Variants in ZBTB7A observed in about 807,000 individuals in gnomAD.
The protein encoded by ZBTB7A is zinc finger and BTB domain-containing protein 7A.
ZBTB7A carries 7 observed loss-of-function variants against 26.7 expected under a neutral mutation model. The observed-to-expected ratio is 0.26, with a 90% CI of 0.15 to 0.49. The LOEUF is 0.49. Ranked by LOEUF, ZBTB7A falls within the 20% of genes least tolerant of loss-of-function variation. The pLI is 0.98. For missense variants in ZBTB7A, 617 were observed against 919.5 expected (o/e 0.67, Z 4.25); for synonymous variants, 452 against 441.0 (o/e 1.02, Z -0.31).
Position 4,047,635 on chromosome 19 carries a change from A to T in ZBTB7A, c.*117T>A. On this transcript the variant is annotated 3_prime_UTR_variant, in exon 3 of 3. Transcript: ENST00000322357. ...TATCTGTATATATATATATAGATAT[A>T]GATATCTGTATATAGATAGATTTTC... The T allele has an allele frequency of 1.1e-6, 1 of 927,898 alleles. No homozygotes were observed. Among genetic ancestry groups the T allele is most frequent in the Non-Finnish European group, 1.6e-6 (1 of 644,800 alleles). The allele number at this position is 927,898 out of a possible 1,614,324, so 57.5% of individuals were successfully genotyped here.
chr19:4,055,245 G>C lies in ZBTB7A; in HGVS notation c.-13C>G. ...CGCCGCCGGCCATCTTCCGCGCCGA[G>C]ACCTGCAGCAGTGGGGAAGGAGAGG... is the stretch of plus-strand genomic sequence containing the variant. On this transcript the variant is annotated splice_region_variant and 5_prime_UTR_variant, in exon 2 of 3. Transcript: ENST00000322357. The C allele has an allele frequency of 6.8e-7, 1 of 1,475,902 alleles. No individual in the cohort carries two copies. 91.4% of individuals were successfully genotyped at this position (1,475,902 alleles called of 1,614,324 possible).
At chr19:4,066,447 C>T (rs1229871652) in intron 1 of ZBTB7A, among the ~76,000 whole-genome samples, 1 of 151,256 alleles carries the variant, frequency 6.6e-6, no homozygotes, top group Non-Finnish European at 1.5e-5. Flanking sequence ...GGCGCACAAG[C>T]TCATGCACTT....
chr19:4,049,208 ATGT>A (rs146940477), intron 2 of ZBTB7A, among the ~76,000 whole-genome samples: 1,326 of 30,834 alleles, frequency 0.043, 222 homozygotes, highest in East Asian at 0.25. Flanking sequence ...ATATATATAT[ATGT>A]AAGTTTGAGA....
In ZBTB7A at chr19:4,046,432, CTTTTT is replaced by C. The variant is rs10535792; in HGVS notation, c.*1315_*1319del. The C allele has an allele frequency of 2.5e-4, 29 of 118,118 alleles. No individual in the cohort carries two copies. The highest frequency in any genetic ancestry group is 9.7e-4 in the Admixed American group (11 of 11,384). The allele number at this position is 118,118 out of a possible 1,614,324, so 7.3% of individuals were successfully genotyped here. ...TCTCTCTCGCTCTCTCTCTCGCTCG[CTTTTT>C]TTTTTTTTTTTTGTCTTTTCAACTT... On this transcript the variant is annotated 3_prime_UTR_variant, in exon 3 of 3. Transcript: ENST00000322357.
At chr19:4,053,265 C>T (rs2040523087) in intron 2 of ZBTB7A, among the ~76,000 whole-genome samples, 1 of 152,214 alleles carries the variant, frequency 6.6e-6, no homozygotes, top group Non-Finnish European at 1.5e-5. Flanking sequence ...ACCGGGATGT[C>T]CACCCACAAG....
In ZBTB7A at chr19:4,054,324, G is replaced by A. The variant is rs2144990755; in HGVS notation, c.909C>T (p.Gly303=). ...SPGFLSGAAE[G]EDGDGPDVDG... is the part of the protein sequence containing the mutation. ...CCACGTCGGGCCCGTCCCCGTCCTCGCCCTCGGCCGCTCCCGACAGGAAGC... is the reference window on the plus strand; with the variant it reads ...CCACGTCGGGCCCGTCCCCGTCCTCACCCTCGGCCGCTCCCGACAGGAAGC... Residue 303 remains glycine, a synonymous_variant, in exon 2 of 3, where the codon GGC becomes GGT. Transcript: ENST00000322357. 2 of 1,515,256 alleles carry A rather than the reference G, an allele frequency of 1.3e-6. No individual in the cohort carries two copies. The highest frequency in any genetic ancestry group is 2.4e-5 in the South Asian group (2 of 82,488). The allele number at this position is 1,515,256 out of a possible 1,614,324, so 93.9% of individuals were successfully genotyped here. A position where few individuals can be genotyped will look rare whatever the true frequency, so the allele number is the denominator to read the frequency against.
In ZBTB7A at chr19:4,053,695, GTC is replaced by G. The variant is rs770600586; in HGVS notation, c.1262+274_1262+275del. ...ATGTGGTGTGCGTGTGCGTGTGTGC[GTC>G]TGTGTGTGTGCATGTGTACGTGGCA... is the stretch of plus-strand genomic sequence containing the variant. On this transcript the variant is annotated intron_variant, in intron 2 of 2. Transcript: ENST00000322357. 4.6e-5 allele frequency among the ~76,000 whole-genome samples: 7 copies of G among 151,674 alleles called. No homozygotes were observed. The East Asian group carries it at 1.4e-3, about 29-fold the overall frequency.
Position 4,045,950 on chromosome 19 carries a change from T to C in ZBTB7A, c.*1802A>G. 2.5e-6 allele frequency: 1 copy of C among 398,504 alleles called. No individual in the cohort carries two copies. The highest frequency in any genetic ancestry group is 1.3e-4 in the South Asian group (1 of 7,844). The allele number at this position is 398,504 out of a possible 1,614,324, so 24.7% of individuals were successfully genotyped here. On this transcript the variant is annotated 3_prime_UTR_variant, in exon 3 of 3. Coordinates refer to ENST00000322357, the MANE Select transcript of ZBTB7A (RefSeq NM_015898.4). This position sits in a 1 kb window ranked among gnomAD's most constrained non-coding sequence, Gnocchi z 4.1. ...TAAGGCCCTGGAGGTGGGGGGCCCC[T>C]GTCACCCACCTCAGCAGGGTAGGCG...
At position 4,046,432 on chromosome 19, in the gene ZBTB7A, C is replaced by CTTTTTTTTT. The variant is rs10535792; in HGVS notation, c.*1311_*1319dup. On this transcript the variant is annotated 3_prime_UTR_variant, in exon 3 of 3. Coordinates refer to ENST00000322357, the MANE Select transcript of ZBTB7A (RefSeq NM_015898.4). ...TCTCTCTCGCTCTCTCTCTCGCTCG[C>CTTTTTTTTT]TTTTTTTTTTTTTTTTTGTCTTTTC... is the stretch of plus-strand genomic sequence containing the variant. The CTTTTTTTTT allele has an allele frequency of 1.7e-5, 2 of 118,110 alleles. No individual in the cohort carries two copies. The highest frequency in any genetic ancestry group is 6.5e-5 in the African/African-American group (2 of 30,684). The allele number at this position is 118,110 out of a possible 1,614,324, so 7.3% of individuals were successfully genotyped here. A position where few individuals can be genotyped will look rare whatever the true frequency, so the allele number is the denominator to read the frequency against.
chr19:4,065,747 C>T (rs1373378770), intron 1 of ZBTB7A: 1 of 140,674 alleles, frequency 7.1e-6, no homozygotes, highest in East Asian at 2.1e-4. Flanking sequence ...GACCCCCCCC[C>T]CACGGGCGGG....
chr19:4,052,513 G>A lies in ZBTB7A; in HGVS notation c.1262+1458C>T, dbSNP rs1188157443. 6.6e-6 allele frequency among the ~76,000 whole-genome samples: 1 copy of A among 152,186 alleles called. No homozygotes were observed. The highest frequency in any genetic ancestry group is 2.4e-5 in the African/African-American group (1 of 41,450). The stretch of plus-strand genomic sequence containing the variant: ...CTGCTGGGGAGGGGGCCGGGGTGCT[G>A]GGGAGGGGTCAGTCCCAGTTCCTGT... On this transcript the variant is annotated intron_variant, in intron 2 of 2. Coordinates refer to ENST00000322357, the MANE Select transcript of ZBTB7A (RefSeq NM_015898.4). This position sits in a 1 kb window ranked among gnomAD's most constrained non-coding sequence, Gnocchi z 4.9.
rs1463409364 is a variant in ZBTB7A at position 4,043,710 on chromosome 19, C to A, written c.*4042G>T. 1.9e-5 allele frequency among the ~76,000 whole-genome samples: 1 copy of A among 53,870 alleles called. No homozygotes were observed. The highest frequency in any genetic ancestry group is 9.3e-3 in the Middle Eastern group (1 of 108). 35.3% of individuals were successfully genotyped at this position (53,870 alleles called of 152,430 possible). A position where few individuals can be genotyped will look rare whatever the true frequency, so the allele number is the denominator to read the frequency against. Reference sequence around the variant, plus strand: ...GGGGTCTCCCTGGCCCCCTCCACCCCCTGGGCCCGGCCCCCCCCCCCCCCC... The same window carrying A: ...GGGGTCTCCCTGGCCCCCTCCACCCACTGGGCCCGGCCCCCCCCCCCCCCC... On this transcript the variant is annotated 3_prime_UTR_variant, in exon 3 of 3. Coordinates refer to ENST00000322357, the MANE Select transcript of ZBTB7A (RefSeq NM_015898.4).
chr19:4,061,667 G>A (rs113515532), intron 1 of ZBTB7A: 7 of 152,358 alleles, frequency 4.6e-5, no homozygotes, highest in African/African-American at 1.7e-4. Flanking sequence ...TTCCTGCCTG[G>A]GCCTTAAAGG....
In ZBTB7A at chr19:4,044,995, C is replaced by T. The variant is rs2040396776; in HGVS notation, c.*2757G>A. ...GGGCTGGGCTGGGGGGGTCCCGGCT[C>T]TGGGCCCATGCAGAGGCTGTGGCCC... On this transcript the variant is annotated 3_prime_UTR_variant, in exon 3 of 3. Transcript: ENST00000322357. The T allele has an allele frequency of 6.6e-6, 1 of 152,230 alleles. No individual in the cohort carries two copies. Among genetic ancestry groups the T allele is most frequent in the Non-Finnish European group, 1.5e-5 (1 of 68,084 alleles). 9.4% of individuals were successfully genotyped at this position (152,230 alleles called of 1,614,324 possible).
chr19:4,058,636 G>A (rs1183694388), intron 1 of ZBTB7A, among the ~76,000 whole-genome samples: 2 of 152,204 alleles, frequency 1.3e-5, no homozygotes, highest in Non-Finnish European at 2.9e-5. Flanking sequence ...CCTGGGGAGA[G>A]GGCCTGAGCT....
intron 1 of ZBTB7A, among the ~76,000 whole-genome samples, chr19:4,066,399 G>T (rs2040696440): frequency 6.7e-6 from 1 of 148,966 alleles, no homozygotes; most frequent in Non-Finnish European, 1.5e-5. Context: ...GCGCGCCTGG[G>T]AGCCCCGAAA....
At chr19:4,053,104 A>T (rs1327906287) in intron 2 of ZBTB7A, among the ~76,000 whole-genome samples, 1 of 150,926 alleles carries the variant, frequency 6.6e-6, no homozygotes, top group Admixed American at 6.6e-5. Flanking sequence ...GCAGAAAAAG[A>T]AAAAAATCCA....
chr19:4,044,753 A>G lies in ZBTB7A; in HGVS notation c.*2999T>C, dbSNP rs2040393660. On this transcript the variant is annotated 3_prime_UTR_variant, in exon 3 of 3. Coordinates refer to ENST00000322357, the MANE Select transcript of ZBTB7A (RefSeq NM_015898.4). ...AAAAAAGAAAACACAAAAAACCCCA[A>G]ACAACCAAACAAAAAAGCTTTGAGC... The G allele has an allele frequency of 6.7e-6, 1 of 149,790 alleles. No individual in the cohort carries two copies. The highest frequency in any genetic ancestry group is 6.6e-5 in the Admixed American group (1 of 15,138). The allele number at this position is 149,790 out of a possible 1,614,324, so 9.3% of individuals were successfully genotyped here. A position where few individuals can be genotyped will look rare whatever the true frequency, so the allele number is the denominator to read the frequency against.
intron 1 of ZBTB7A, among the ~76,000 whole-genome samples, chr19:4,056,368 G>A (rs66534382): frequency 0.22 from 34,080 of 152,134 alleles, 4,404 homozygotes; most frequent in African/African-American, 0.36. Flanking sequence ...CACACTGGAC[G>A]CTTAAATTTC....
Sources: allele counts gnomAD v4.1 joint callset (sites outside exome capture counted in the v4.1 genomes callset), GRCh38; gene constraint gnomAD v4.1.1; non-coding constraint Gnocchi (gnomAD v3.1); transcripts MANE v1.5; gene names NCBI Gene and HGNC (gene_info 2026-07-23, HGNC 2026-07-21).